The following RNGTT variants were observed in gnomAD, a reference collection of about 807,000 sequenced individuals.
RNGTT encodes the protein mRNA-capping enzyme.
A neutral mutation model predicts 79.3 loss-of-function variants in RNGTT; 33 were observed. The ratio of observed to expected loss-of-function variants is 0.42; its 90% confidence interval spans 0.32 to 0.56. The LOEUF (loss-of-function observed/expected upper bound fraction) is 0.56. Ranked by LOEUF, RNGTT falls within the 20% of genes least tolerant of loss-of-function variation. The pLI, the probability that RNGTT is intolerant of heterozygous loss-of-function variation, is 0.17. For synonymous variants in RNGTT, 222 were observed against 235.9 expected, an observed-to-expected ratio of 0.94 and a Z score of 0.54; for missense variants, 497 against 739.1, an observed-to-expected ratio of 0.67 and a Z score of 3.80.
intron 14 of RNGTT, among the ~76,000 whole-genome samples, chr6:88,634,268 T>C (rs986803986): frequency 2.6e-5 from 4 of 152,162 alleles, no homozygotes; most frequent in Non-Finnish European, 4.4e-5. Context: ...CTAGGATACA[T>C]GTAAATAAGG....
At chr6:88,705,705 TAA>T (rs3839422) in intron 13 of RNGTT, among the ~76,000 whole-genome samples, 95 of 152,264 alleles carry the variant, frequency 6.2e-4, no homozygotes, top group East Asian at 4.4e-3. Flanking sequence ...ATCTGTGGTA[TAA>T]GAGTCAAGAA....
intron 14 of RNGTT, among the ~76,000 whole-genome samples, chr6:88,656,989 G>A (rs564363900): frequency 6.6e-6 from 1 of 152,188 alleles, no homozygotes; most frequent in East Asian, 1.9e-4. Context: ...TACTCGAGAG[G>A]CTGAGCTGCA....
intron 13 of RNGTT, among the ~76,000 whole-genome samples, chr6:88,729,195 T>C (rs937572864): frequency 7.9e-5 from 12 of 152,196 alleles, no homozygotes; most frequent in African/African-American, 2.4e-4. Context: ...TAGAGTTCCT[T>C]GGAGACCTGA....
chr6:88,924,555 G>A (rs951288260), intron 4 of RNGTT, among the ~76,000 whole-genome samples: 1 of 152,030 alleles, frequency 6.6e-6, no homozygotes, highest in African/African-American at 2.4e-5. Flanking sequence ...CAAACTCCTG[G>A]GCTCAAGCAA....
chr6:88,946,658 C>T lies in RNGTT; in HGVS notation c.65-5478G>A, dbSNP rs536795939. On this transcript the variant is annotated intron_variant, in intron 1 of 15. Coordinates refer to ENST00000369485, the MANE Select transcript of RNGTT (RefSeq NM_003800.5). ...TCTCCCTCTCCCTCTCCCTCTCCCT[C>T]TCTCTCCCTCCCTCTCCCTCTCCCC... Among the ~76,000 whole-genome samples, 14 of 151,502 alleles carry T rather than the reference C, an allele frequency of 9.2e-5. No homozygotes were observed. The South Asian group carries it at 1.3e-3, about 14-fold the overall frequency.
chr6:88,913,228 A>AAAAAAAAAAAAAC (rs1783892615), intron 4 of RNGTT, among the ~76,000 whole-genome samples: 4 of 129,782 alleles, frequency 3.1e-5, no homozygotes, highest in African/African-American at 8.9e-5. Context: ...AAAAAAAAAC[A>AAAAAAAAAAAAAC]AAAAAAAAAA....
intron 8 of RNGTT, among the ~76,000 whole-genome samples, chr6:88,885,181 G>C (rs1236054199): frequency 6.6e-6 from 1 of 151,998 alleles, no homozygotes; most frequent in Non-Finnish European, 1.5e-5. Flanking sequence ...TAGAAGAAAT[G>C]ACATCCCAGT....
At chr6:88,901,094 A>G (rs1431247477) in intron 6 of RNGTT, among the ~76,000 whole-genome samples, 2 of 151,836 alleles carry the variant, frequency 1.3e-5, no homozygotes, top group African/African-American at 4.8e-5. Flanking sequence ...GTGAGCCAAG[A>G]TCGCAACACT....
At chr6:88,822,951 C>T (rs1229191866) in intron 11 of RNGTT, among the ~76,000 whole-genome samples, 4 of 152,260 alleles carry the variant, frequency 2.6e-5, no homozygotes, top group African/African-American at 9.6e-5. Flanking sequence ...ACAGATAATA[C>T]ACCCAAACAT....
intron 4 of RNGTT, among the ~76,000 whole-genome samples, chr6:88,926,023 A>T (rs1223893294): frequency 1.3e-5 from 2 of 152,236 alleles, no homozygotes; most frequent in Non-Finnish European, 2.9e-5. Context: ...TCCTAAAAGA[A>T]AAATACTCAT....
At chr6:88,614,106 C>T (rs1187025613) in intron 15 of RNGTT, among the ~76,000 whole-genome samples, 166 bp downstream of exon 15, 1 of 152,200 alleles carries the variant, frequency 6.6e-6, no homozygotes, top group Admixed American at 6.5e-5. Context: ...TACAAGCCAA[C>T]TGGAGCCAAA....
rs1373458859 is a variant in RNGTT at position 88,924,764 on chromosome 6, T to C, written c.367+4221A>G. ...TTTTAGAGACAGATTCTCACTCTATTGCCCAAGCTGGAGTGCAGGTGTGAT... is the reference window on the plus strand; with the variant it reads ...TTTTAGAGACAGATTCTCACTCTATCGCCCAAGCTGGAGTGCAGGTGTGAT... On this transcript the variant is annotated intron_variant, in intron 4 of 15. Transcript: ENST00000369485. 2.0e-5 allele frequency among the ~76,000 whole-genome samples: 3 copies of C among 151,734 alleles called. No individual in the cohort carries two copies. In the East Asian group the frequency reaches 5.8e-4, roughly 29 times the overall value.
chr6:88,624,288 G>T (rs986026322), intron 14 of RNGTT, among the ~76,000 whole-genome samples: 1 of 151,778 alleles, frequency 6.6e-6, no homozygotes, highest in South Asian at 2.1e-4. Flanking sequence ...TTTTGAAAAA[G>T]AACAAATTTG....
Position 88,660,215 on chromosome 6 carries a change from G to T in RNGTT, c.1506+18138C>A, listed in dbSNP as rs549167197. On this transcript the variant is annotated intron_variant, in intron 14 of 15. Transcript: ENST00000369485. ...CTCCTTAAAGCATAAATCTCACAGG[G>T]CCTATAAAACAACACAATGAAAACA... is the stretch of plus-strand genomic sequence containing the variant. 2.6e-5 allele frequency among the ~76,000 whole-genome samples: 4 copies of T among 152,120 alleles called. No homozygotes were observed. In the East Asian group the frequency reaches 7.7e-4, roughly 29 times the overall value.
intron 4 of RNGTT, among the ~76,000 whole-genome samples, chr6:88,922,669 A>G (rs1361980069): frequency 1.3e-5 from 2 of 152,140 alleles, no homozygotes; most frequent in Non-Finnish European, 2.9e-5. Context: ...CTGGGACTAC[A>G]GGCGTCCGCC....
chr6:88,874,154 T>C (rs1279369423), intron 8 of RNGTT, among the ~76,000 whole-genome samples: 3 of 152,138 alleles, frequency 2.0e-5, no homozygotes, highest in African/African-American at 7.2e-5. Context: ...TTTGCATTAA[T>C]TACCATTTAT....
At chr6:88,627,777 C>T (rs188455224) in intron 14 of RNGTT, among the ~76,000 whole-genome samples, 30 of 152,166 alleles carry the variant, frequency 2.0e-4, no homozygotes, top group South Asian at 1.4e-3. Flanking sequence ...AGACTAAAAA[C>T]ACAGAACTCT....
intron 13 of RNGTT, among the ~76,000 whole-genome samples, chr6:88,679,807 C>G (rs915774452): frequency 6.6e-6 from 1 of 152,140 alleles, no homozygotes; most frequent in Non-Finnish European, 1.5e-5. Flanking sequence ...TATATCTCAT[C>G]TTTCTTTTAT....
chr6:88,963,223 A>C lies in RNGTT; in HGVS notation c.64+123T>G. 3.1e-6 allele frequency: 3 copies of C among 962,674 alleles called. No individual in the cohort carries two copies. In the South Asian group the frequency reaches 4.2e-5, roughly 14 times the overall value. The allele number at this position is 962,674 out of a possible 1,614,324, so 59.6% of individuals were successfully genotyped here. On this transcript the variant is annotated intron_variant, in intron 1 of 15. Coordinates refer to ENST00000369485, the MANE Select transcript of RNGTT (RefSeq NM_003800.5). ...TCATCCACGAAGCGTAATCCGACGGAGCATATCCCGCTCCTGAAATACCAC... is the reference window on the plus strand; with the variant it reads ...TCATCCACGAAGCGTAATCCGACGGCGCATATCCCGCTCCTGAAATACCAC...
Sources: gnomAD v4.1 joint callset for allele counts (sites outside exome capture counted in the v4.1 genomes callset) on GRCh38, gnomAD v4.1.1 for gene constraint, MANE v1.5 for transcripts, NCBI Gene and HGNC (gene_info 2026-07-23, HGNC 2026-07-21) for gene names.